PPP2CA: variants seen among roughly 807,000 people sequenced by gnomAD.
PPP2CA encodes protein phosphatase 2 catalytic subunit alpha.
In PPP2CA, 5 loss-of-function variants were observed where a neutral mutation model predicts 38.8. That is an observed-to-expected ratio of 0.13 (90% confidence interval 0.07 to 0.27). The LOEUF is 0.27. Among genes scored for constraint, PPP2CA ranks in the 10% least tolerant of loss-of-function variants. The pLI is 1.00. For synonymous variants in PPP2CA, 152 were observed against 134.0 expected (o/e 1.13, Z -0.93); for missense variants, 88 against 389.7 (o/e 0.23, Z 6.52).
At chr5:134,216,247 G>T (rs1439402543) in intron 1 of PPP2CA, among the ~76,000 whole-genome samples, 1 of 152,192 alleles carries the variant, frequency 6.6e-6, no homozygotes, top group East Asian at 1.9e-4. Context: ...TATATTACAA[G>T]TGGTTTCGGG....
chr5:134,225,644 G>C, intron 1 of PPP2CA, 116 bp downstream of exon 1: 1 of 863,954 alleles, frequency 1.2e-6, no homozygotes, highest in Admixed American at 3.4e-5. Context: ...CGCCGGTCTC[G>C]GAGACTCGGG....
intron 6 of PPP2CA, among the ~76,000 whole-genome samples, 192 bp downstream of exon 6, chr5:134,198,894 T>C (rs1761915805): frequency 6.8e-6 from 1 of 146,952 alleles, no homozygotes; most frequent in Non-Finnish European, 1.5e-5. Flanking sequence ...ATTTAAACTA[T>C]GTATTCAGGC....
rs912328660 is a variant in PPP2CA at position 134,196,183 on chromosome 5, T to G, written c.*1589A>C. On this transcript the variant is annotated 3_prime_UTR_variant, in exon 7 of 7. Coordinates refer to ENST00000481195, the MANE Select transcript of PPP2CA (RefSeq NM_002715.4). ...ACTATCAATTAGATCAGAAAAGACA[T>G]TCGGTATGTATGTGTTCCTCAAGCA... The G allele has an allele frequency of 2.6e-5, 4 of 152,182 alleles. No individual in the cohort carries two copies. Among genetic ancestry groups the G allele is most frequent in the Non-Finnish European group, 5.9e-5 (4 of 68,026 alleles). 9.4% of individuals were successfully genotyped at this position (152,182 alleles called of 1,614,324 possible).
At chr5:134,214,697 G>C (rs1762280564) in intron 1 of PPP2CA, among the ~76,000 whole-genome samples, 1 of 152,110 alleles carries the variant, frequency 6.6e-6, no homozygotes, top group South Asian at 2.1e-4. Flanking sequence ...ATCATTAAGA[G>C]CTAGATGATG....
Position 134,198,662 on chromosome 5 carries a change from T to C in PPP2CA, c.857+424A>G, listed in dbSNP as rs185582946. 3.3e-3 allele frequency among the ~76,000 whole-genome samples: 496 copies of C among 152,250 alleles called. 1 individual carries two copies. Among genetic ancestry groups the C allele is most frequent in the African/African-American group, 0.011 (451 of 41,582 alleles). ...CTCACTGCAACCTCTGCCTCCCGGA[T>C]TCATGCCATTCTCCTGCCTCAGCCT... On this transcript the variant is annotated intron_variant, in intron 6 of 6. Coordinates refer to ENST00000481195, the MANE Select transcript of PPP2CA (RefSeq NM_002715.4).
In PPP2CA at chr5:134,214,922, C is replaced by T. The variant is rs191654674; in HGVS notation, c.103-8791G>A. ...TCTATACTTTAATCCTAAGATTACA[C>T]GACAACTACTCAAGCTTCTTTTTAT... On this transcript the variant is annotated intron_variant, in intron 1 of 6. Coordinates refer to ENST00000481195, the MANE Select transcript of PPP2CA (RefSeq NM_002715.4). Among the ~76,000 whole-genome samples the T allele has an allele frequency of 1.5e-3, 232 of 152,040 alleles. 2 individuals carry two copies. The highest frequency in any genetic ancestry group is 9.1e-3 in the South Asian group (44 of 4,824).
At chr5:134,203,172 T>TA (rs1286828448) in intron 2 of PPP2CA, among the ~76,000 whole-genome samples, 1 of 152,222 alleles carries the variant, frequency 6.6e-6, no homozygotes. Context: ...TTAATTTTGA[T>TA]AAAGTCCGAT....
At chr5:134,220,302 T>C (rs891072950) in intron 1 of PPP2CA, among the ~76,000 whole-genome samples, 4 of 151,080 alleles carry the variant, frequency 2.6e-5, no homozygotes, top group Admixed American at 1.3e-4. Flanking sequence ...CTACTAAAAA[T>C]ACAAAAATTA....
intron 1 of PPP2CA, among the ~76,000 whole-genome samples, chr5:134,218,631 T>C (rs1249648131): frequency 6.6e-6 from 1 of 152,018 alleles, no homozygotes; most frequent in Admixed American, 6.6e-5. Flanking sequence ...TCCTCCCTCA[T>C]CTGTGTAAGA....
At chr5:134,225,469 C>G (rs903694216) in intron 1 of PPP2CA, 5 of 358,326 alleles carry the variant, frequency 1.4e-5, no homozygotes, top group South Asian at 9.9e-5. Context: ...CGATGACCCA[C>G]AGGGTCTCCG....
intron 1 of PPP2CA, among the ~76,000 whole-genome samples, chr5:134,222,581 G>T: frequency 6.6e-6 from 1 of 152,006 alleles, no homozygotes; most frequent in East Asian, 1.9e-4. Context: ...TTCTCCACAT[G>T]TTTGGTAAGC....
intron 1 of PPP2CA, among the ~76,000 whole-genome samples, chr5:134,212,629 T>C (rs1345650564): frequency 6.6e-6 from 1 of 152,212 alleles, no homozygotes; most frequent in African/African-American, 2.4e-5. Context: ...AGTTAGAAAT[T>C]ATTAAACTTA....
intron 1 of PPP2CA, among the ~76,000 whole-genome samples, chr5:134,217,357 T>A (rs749898727): frequency 6.6e-6 from 1 of 152,220 alleles, no homozygotes; most frequent in Non-Finnish European, 1.5e-5. Flanking sequence ...AAATTTAACA[T>A]TTCACATCCT....
rs1165206856 is a variant in PPP2CA at position 134,196,568 on chromosome 5, C to A, written c.*1204G>T. 2.0e-5 allele frequency: 3 copies of A among 152,178 alleles called. No homozygotes were observed. The highest frequency in any genetic ancestry group is 4.4e-5 in the Non-Finnish European group (3 of 68,020). The allele number at this position is 152,178 out of a possible 1,614,324, so 9.4% of individuals were successfully genotyped here. On this transcript the variant is annotated 3_prime_UTR_variant, in exon 7 of 7. Coordinates refer to ENST00000481195, the MANE Select transcript of PPP2CA (RefSeq NM_002715.4). The stretch of plus-strand genomic sequence containing the variant: ...GGCTAATGCTTTAACACTTTCTTAT[C>A]TGAGACAAATTTAACTCTAAGAACA...
In PPP2CA at chr5:134,225,974, T is replaced by A. The variant is rs1294668999; in HGVS notation, c.-113A>T. On this transcript the variant is annotated 5_prime_UTR_variant, in exon 1 of 7. Transcript: ENST00000481195. Reference sequence around the variant, plus strand: ...TTCCTCGTGTACTTCTGGCGGCTGTTGAGGCTGGCGCTGGCCCGCTGGCTC... The same window carrying A: ...TTCCTCGTGTACTTCTGGCGGCTGTAGAGGCTGGCGCTGGCCCGCTGGCTC... 3 of 997,054 alleles carry A rather than the reference T, an allele frequency of 3.0e-6. No homozygotes were observed. Among genetic ancestry groups the A allele is most frequent in the Non-Finnish European group, 4.4e-6 (3 of 678,694 alleles). The allele number at this position is 997,054 out of a possible 1,614,324, so 61.8% of individuals were successfully genotyped here.
At chr5:134,219,299 C>T (rs1022216603) in intron 1 of PPP2CA, among the ~76,000 whole-genome samples, 3 of 152,164 alleles carry the variant, frequency 2.0e-5, no homozygotes, top group African/African-American at 7.2e-5. Flanking sequence ...GACAATAATG[C>T]ATACAATGAA....
At chr5:134,214,662 G>A (rs753089379) in intron 1 of PPP2CA, among the ~76,000 whole-genome samples, 13 of 152,030 alleles carry the variant, frequency 8.6e-5, no homozygotes, top group Non-Finnish European at 1.6e-4. Context: ...TATACAAGTT[G>A]TCCATGAATA....
chr5:134,205,417 T>C (rs1006797031), intron 2 of PPP2CA, among the ~76,000 whole-genome samples: 6 of 151,618 alleles, frequency 4.0e-5, no homozygotes, highest in Non-Finnish European at 8.8e-5. Context: ...AGTCTCGCTC[T>C]GTTGTCCAGG....
chr5:134,210,310 G>C (rs1025459879), intron 1 of PPP2CA, among the ~76,000 whole-genome samples: 1 of 152,088 alleles, frequency 6.6e-6, no homozygotes, highest in Non-Finnish European at 1.5e-5. Context: ...GGTAGAACCA[G>C]ACTTTTAAGT....
Sources: allele counts gnomAD v4.1 joint callset (sites outside exome capture counted in the v4.1 genomes callset), GRCh38; gene constraint gnomAD v4.1.1; transcripts MANE v1.5; gene names NCBI Gene and HGNC (gene_info 2026-07-23, HGNC 2026-07-21).